Variants in GRN observed in about 807,000 individuals in gnomAD.
GRN encodes the protein granulin precursor.
A neutral mutation model predicts 66.7 loss-of-function variants in GRN; 30 were observed. The observed-to-expected ratio is 0.45, with a 90% CI of 0.34 to 0.61. GRN has a LOEUF of 0.61. Among genes scored for constraint, GRN ranks in the 20% least tolerant of loss-of-function variants. GRN has a pLI of 0.01. For missense variants in GRN, 731 were observed against 803.5 expected, an observed-to-expected ratio of 0.91 and a Z score of 1.09; for synonymous variants, 327 against 311.1, an observed-to-expected ratio of 1.05 and a Z score of -0.54.
At chr17:44,352,620 C>G in intron 12 of GRN, 41 bp from the exon 13 acceptor site, 1 of 1,610,832 alleles carries the variant, frequency 6.2e-7, no homozygotes, top group Non-Finnish European at 8.5e-7. Flanking sequence ...GGGACCAGGT[C>G]CCACCTCGTC....
chr17:44,349,991 C>T, intron 4 of GRN: 1 of 642,314 alleles, frequency 1.6e-6, no homozygotes, highest in Admixed American at 2.3e-5. Context: ...TCGAGCTGGG[C>T]CGGTCTAATA....
At position 44,350,785 on chromosome 17, in the gene GRN, C is replaced by T. The variant is rs1438031082; in HGVS notation, c.693C>T (p.Cys231=). The change falls in exon 7 of 13, where the codon TGC becomes TGT. Residue 231 remains cysteine (C), a synonymous_variant. Transcript: ENST00000053867. ...AGCTGCCCAGTGGGAAGTATGGCTG[C>T]TGCCCAATGCCCAACGTGAGTGAGG... ...CCELPSGKYG[C]CPMPNATCCS... 7 of 1,611,652 alleles carry T rather than the reference C, an allele frequency of 4.3e-6. No individual in the cohort carries two copies. The highest frequency in any genetic ancestry group is 1.1e-5 in the South Asian group (1 of 91,060).
rs1351623830 is a variant in GRN, at chr17:44,349,302, G to A, written c.138G>A (p.Leu46=). The change falls in exon 2 of 13, where the codon CTG becomes CTA. Residue 46 remains leucine, a splice_region_variant and synonymous_variant. Transcript: ENST00000053867. ...GCTACAGCTGCTGCCGTCCCCTTCT[G>A]GTGAGTGCCCCTCAGCCTAGGCAAG... ...GASYSCCRPL[L]DKWPTTLSRH... 6.2e-7 allele frequency: 1 copy of A among 1,613,924 alleles called. No homozygotes were observed. The highest frequency in any genetic ancestry group is 2.2e-5 in the East Asian group (1 of 44,878).
In GRN at chr17:44,351,553, G is replaced by T. The variant is rs1386649838; in HGVS notation, c.937G>T (p.Val313Leu). ...AWGCCPFTQA[V>L]CCEDHIHCCP... ...TGCCCTTCTTCATCTGCCCTAGGCT[G>T]TGTGCTGTGAGGACCACATACACTG... is the stretch of plus-strand genomic sequence containing the variant. Residue 313 changes from valine to leucine, a missense_variant, in exon 10 of 13, where the codon GTG becomes TTG. Physicochemically the swap from Val to Leu is conservative, Grantham distance 32. Transcript: ENST00000053867. The T allele has an allele frequency of 1.9e-6, 3 of 1,613,968 alleles. No homozygotes were observed. The African/African-American group carries it at 4.0e-5, about 22-fold the overall frequency.
chr17:44,348,469 G>T (rs555528230), intron 1 of GRN, among the ~76,000 whole-genome samples: 29 of 152,342 alleles, frequency 1.9e-4, no homozygotes, highest in African/African-American at 6.7e-4. Flanking sequence ...GGGACCCTCA[G>T]AACACAGGTG....
rs1168520227 is a variant in GRN at position 44,351,732 on chromosome 17, TCCCTCCTCCG to T, written c.1117_1126del (p.Pro373IlefsTer36). ...TCCCCTGTGATAATGTCAGCAGCTG[TCCCTCCTCCG>T]ATACCTGCTGCCAACTCACGTCTGG... On this transcript the variant is annotated frameshift_variant, in exon 10 of 13. Coordinates refer to ENST00000053867, the MANE Select transcript of GRN (RefSeq NM_002087.4). LOFTEE classifies it high-confidence loss of function. 1 of 1,613,480 alleles carries T rather than the reference TCCCTCCTCCG, an allele frequency of 6.2e-7. No homozygotes were observed. Among genetic ancestry groups the T allele is most frequent in the Non-Finnish European group, 8.5e-7 (1 of 1,179,890 alleles).
In GRN at chr17:44,350,284, T is replaced by G. The variant is rs1314159800; in HGVS notation, c.406T>G (p.Phe136Val). 6 of 1,613,800 alleles carry G rather than the reference T, an allele frequency of 3.7e-6. No individual in the cohort carries two copies. The African/African-American group carries it at 8.0e-5, about 22-fold the overall frequency. Residue 136 changes from phenylalanine (F) to valine (V), a missense_variant, in exon 5 of 13, where the codon TTC becomes GTC. Around this residue, in one of 3 missense-constraint regions of GRN, gnomAD observed 370 missense variants for 379.8 expected, o/e 0.97. Coordinates refer to ENST00000053867, the MANE Select transcript of GRN (RefSeq NM_002087.4). ...CPDSQFECPD[F>V]STCCVMVDGS... ...TGATAGTCAGTTCGAATGCCCGGAC[T>G]TCTCCACGTGCTGTGTTATGGTCGA...
At chr17:44,350,999 C>G (rs779615581) in intron 7 of GRN, 38 bp from the exon 8 acceptor site, 2 of 1,609,598 alleles carry the variant, frequency 1.2e-6, no homozygotes, top group Non-Finnish European at 1.7e-6. Flanking sequence ...TGCTACTGAG[C>G]CTGGAAGTGA....
In GRN at chr17:44,351,391, G is replaced by A. The variant is rs377020182; in HGVS notation, c.864G>A (p.Val288=). The change falls in exon 9 of 13, where the codon GTG becomes GTA. Residue 288 remains valine (V), a synonymous_variant. Transcript: ENST00000053867. ...TVGDVKCDME[V]SCPDGYTCCR... ...GGGATGTGAAATGTGACATGGAGGT[G>A]AGCTGCCCAGATGGCTATACCTGCT... is the stretch of plus-strand genomic sequence containing the variant. The A allele has an allele frequency of 6.2e-7, 1 of 1,613,690 alleles. No homozygotes were observed. Among genetic ancestry groups the A allele is most frequent in the Non-Finnish European group, 8.5e-7 (1 of 1,179,758 alleles).
In GRN at chr17:44,352,260, C is replaced by T. The variant is rs1447513599; in HGVS notation, c.1413+12C>T. On this transcript the variant is annotated intron_variant, in intron 11 of 12. Transcript: ENST00000053867. ...GCCAGTTGCCCCATGTGAGTGCCTC[C>T]CTGCCTGCCCCTGGATAGGGGAGCT... The T allele has an allele frequency of 2.5e-6, 4 of 1,605,960 alleles. No individual in the cohort carries two copies. The highest frequency in any genetic ancestry group is 2.2e-5 in the East Asian group (1 of 44,844).
chr17:44,346,297 A>G (rs3785817), intron 1 of GRN: 43,403 of 152,082 alleles, frequency 0.29, 6,625 homozygotes, highest in East Asian at 0.59. Context: ...CTTCATCCTT[A>G]TCTGTCCAGG....
In GRN at chr17:44,351,588, G is replaced by A. The variant is rs933306246; in HGVS notation, c.972G>A (p.Ala324=). ...AGGACCACATACACTGCTGTCCCGC[G>A]GGGTTTACGTGTGACACGCAGAAGG... The part of the protein sequence containing the change: ...CCEDHIHCCP[A]GFTCDTQKGT... The change falls in exon 10 of 13, where the codon GCG becomes GCA. Residue 324 remains alanine (A), a synonymous_variant. Transcript: ENST00000053867. 3.7e-6 allele frequency: 6 copies of A among 1,614,028 alleles called. No individual in the cohort carries two copies. The highest frequency in any genetic ancestry group is 2.2e-5 in the East Asian group (1 of 44,882).
chr17:44,350,868 A>G (rs2048366654), intron 7 of GRN, 68 bp downstream of exon 7: 2 of 1,428,978 alleles, frequency 1.4e-6, no homozygotes, highest in Admixed American at 3.4e-5. Context: ...CGCACCTTAC[A>G]GGGGCTCTGT....
chr17:44,350,104 C>A, intron 4 of GRN, 124 bp from the exon 5 acceptor site: 1 of 782,758 alleles, frequency 1.3e-6, no homozygotes, highest in South Asian at 1.4e-5. Context: ...ATCACTGAGC[C>A]TTAGTGTCAC....
chr17:44,348,791 A>C (rs1179506760), intron 1 of GRN, among the ~76,000 whole-genome samples: 2 of 151,910 alleles, frequency 1.3e-5, no homozygotes, highest in Admixed American at 6.6e-5. Flanking sequence ...CCTTCCCCTC[A>C]CCCCAGAGGT....
intron 1 of GRN, among the ~76,000 whole-genome samples, chr17:44,347,129 G>C (rs1292751024): frequency 6.6e-6 from 1 of 151,138 alleles, no homozygotes; most frequent in Middle Eastern, 3.2e-3. Context: ...AAAAAAAAGA[G>C]AAAAAGAAAA....
chr17:44,349,573 T>C (rs2048352542), intron 3 of GRN, 22 bp downstream of exon 3: 1 of 1,613,930 alleles, frequency 6.2e-7, no homozygotes, highest in East Asian at 2.2e-5. Context: ...ATCAGCCCAG[T>C]GGAGGGGCTT....
intron 1 of GRN, among the ~76,000 whole-genome samples, chr17:44,348,650 C>T (rs143046906): frequency 2.2e-4 from 34 of 152,340 alleles, no homozygotes; most frequent in East Asian, 1.7e-3. Context: ...GGCCGCTTCC[C>T]GCAAGGCCTT....
chr17:44,350,084 T>C (rs2048357296), intron 4 of GRN, 144 bp from the exon 5 acceptor site: 1 of 737,048 alleles, frequency 1.4e-6, no homozygotes, highest in Admixed American at 1.9e-5. Context: ...GAGTTAGGCC[T>C]GCCTAGGAGA....
Sources: gnomAD v4.1 joint callset for allele counts (sites outside exome capture counted in the v4.1 genomes callset) on GRCh38, gnomAD v4.1.1 for gene constraint, gnomAD v4.1.1 regional missense constraint, MANE v1.5 for transcripts, NCBI Gene and HGNC (gene_info 2026-07-23, HGNC 2026-07-21) for gene names.